Variants in XKR4 observed in about 807,000 individuals in gnomAD.
XKR4 encodes XK-related protein 4.
In XKR4, 12 loss-of-function variants were observed where a neutral mutation model predicts 53.9. The observed-to-expected ratio is 0.22, with a 90% confidence interval of 0.14 to 0.36. XKR4 has a LOEUF of 0.36. Ranked by LOEUF, XKR4 falls within the 10% of genes least tolerant of loss-of-function variation. XKR4 has a pLI of 1.00. For missense variants in XKR4, 799 were observed against 859.5 expected (o/e 0.93, Z 0.88); for synonymous variants, 354 against 362.4 (o/e 0.98, Z 0.26).
intron 1 of XKR4, among the ~76,000 whole-genome samples, chr8:55,206,743 G>A (rs917397537): frequency 6.6e-6 from 1 of 152,074 alleles, no homozygotes; most frequent in African/African-American, 2.4e-5. Context: ...ATTAATTTTT[G>A]GTTAAAAATA....
intron 2 of XKR4, among the ~76,000 whole-genome samples, chr8:55,461,839 G>C (rs1340036902): frequency 6.6e-6 from 1 of 152,350 alleles, no homozygotes; most frequent in East Asian, 1.9e-4. Context: ...ACAAGCCTCA[G>C]TAACTGATGC....
rs775279148 is a variant in XKR4, at chr8:55,538,412, G to C, written c.*14185G>C. On this transcript the variant is annotated 3_prime_UTR_variant, in exon 3 of 3. Transcript: ENST00000327381. ...GAGCTGTGTGCAGCACGGAGGAAGT[G>C]GAGTCTGAGGAATACAACAGCAACA... 1 of 152,170 alleles carries C rather than the reference G, an allele frequency of 6.6e-6. No homozygotes were observed. The highest frequency in any genetic ancestry group is 1.5e-5 in the Non-Finnish European group (1 of 68,058). 9.4% of individuals were successfully genotyped at this position (152,170 alleles called of 1,614,324 possible). A position where few individuals can be genotyped will look rare whatever the true frequency, so the allele number is the denominator to read the frequency against.
At chr8:55,172,098 T>C (rs115057122) in intron 1 of XKR4, among the ~76,000 whole-genome samples, 4,338 of 151,882 alleles carry the variant, frequency 0.029, 165 homozygotes, top group East Asian at 0.12. Flanking sequence ...CCTGTAATCC[T>C]AGCTACTCAC....
intron 1 of XKR4, among the ~76,000 whole-genome samples, chr8:55,148,425 T>C (rs1196650154): frequency 1.3e-5 from 2 of 151,906 alleles, no homozygotes; most frequent in African/African-American, 2.4e-5. Context: ...TATATATATA[T>C]ACCATAGCTT....
At chr8:55,379,103 A>AAGATATC (rs999298118) in intron 2 of XKR4, among the ~76,000 whole-genome samples, 22 of 152,132 alleles carry the variant, frequency 1.4e-4, no homozygotes, top group African/African-American at 5.3e-4. Flanking sequence ...TTTTAGAAGG[A>AAGATATC]AGATATCATT....
chr8:55,328,724 G>A (rs1803332516), intron 1 of XKR4, among the ~76,000 whole-genome samples: 1 of 152,130 alleles, frequency 6.6e-6, no homozygotes, highest in Admixed American at 6.6e-5. Context: ...CTTTGAATGT[G>A]CCTCACTCAA....
intron 2 of XKR4, among the ~76,000 whole-genome samples, chr8:55,432,961 C>G (rs1429805002): frequency 6.6e-6 from 1 of 152,170 alleles, no homozygotes; most frequent in South Asian, 2.1e-4. Flanking sequence ...GTCCTGCTCT[C>G]GTGATCATGG....
At chr8:55,473,628 G>A (rs1313788227) in intron 2 of XKR4, among the ~76,000 whole-genome samples, 1 of 152,044 alleles carries the variant, frequency 6.6e-6, no homozygotes. Context: ...TTTCTCAGAG[G>A]CACCAAAGTA....
At chr8:55,375,815 C>G (rs1804136906) in intron 2 of XKR4, among the ~76,000 whole-genome samples, 1 of 151,554 alleles carries the variant, frequency 6.6e-6, no homozygotes, top group Non-Finnish European at 1.5e-5. Context: ...GTTTGCTGCA[C>G]CTGTCAACCC....
intron 1 of XKR4, among the ~76,000 whole-genome samples, chr8:55,137,824 G>T (rs1816652416): frequency 6.6e-6 from 1 of 151,814 alleles, no homozygotes; most frequent in South Asian, 2.1e-4. Flanking sequence ...CTCCCACCTT[G>T]GCCTTCCAAA....
At chr8:55,408,706 A>G (rs546577434) in intron 2 of XKR4, among the ~76,000 whole-genome samples, 8 of 152,302 alleles carry the variant, frequency 5.3e-5, no homozygotes, top group Non-Finnish European at 1.0e-4. Context: ...GCAGGGCCCC[A>G]GGCTCAAAGA....
intron 1 of XKR4, among the ~76,000 whole-genome samples, chr8:55,345,946 A>G (rs1803630422): frequency 6.6e-6 from 1 of 152,082 alleles, no homozygotes; most frequent in Admixed American, 6.6e-5. Context: ...GCATCATTTC[A>G]CTTATATCCA....
intron 2 of XKR4, among the ~76,000 whole-genome samples, chr8:55,421,856 T>A (rs1388884147): frequency 6.6e-6 from 1 of 152,216 alleles, no homozygotes; most frequent in Non-Finnish European, 1.5e-5. Context: ...GGGAAGCAGC[T>A]GCAGGTGGCA....
At chr8:55,250,855 T>C (rs998254418) in intron 1 of XKR4, among the ~76,000 whole-genome samples, 4 of 152,252 alleles carry the variant, frequency 2.6e-5, no homozygotes, top group African/African-American at 9.6e-5. Flanking sequence ...ATTCTTTACC[T>C]TAAAACCATG....
At chr8:55,126,589 T>C (rs1049776712) in intron 1 of XKR4, among the ~76,000 whole-genome samples, 4 of 152,182 alleles carry the variant, frequency 2.6e-5, no homozygotes, top group Non-Finnish European at 2.9e-5. Context: ...TGGAATATGA[T>C]GGGGAGAACA....
intron 2 of XKR4, among the ~76,000 whole-genome samples, chr8:55,376,975 C>CAG (rs1195826378): frequency 0.01 from 1,542 of 151,388 alleles, 19 homozygotes; most frequent in African/African-American, 0.035. Context: ...CACACACACA[C>CAG]AGAGAGAGAG....
intron 1 of XKR4, among the ~76,000 whole-genome samples, chr8:55,114,950 C>T (rs1323467932): frequency 6.6e-6 from 1 of 152,200 alleles, no homozygotes; most frequent in East Asian, 1.9e-4. Flanking sequence ...ACTAGGAAAG[C>T]AGCCTAGTCA....
At position 55,105,580 on chromosome 8, in the gene XKR4, A is replaced by G. The variant is rs189061499; in HGVS notation, c.806+2286A>G. On this transcript the variant is annotated intron_variant, in intron 1 of 2. Coordinates refer to ENST00000327381, the MANE Select transcript of XKR4 (RefSeq NM_052898.2). ...ATATTGTAGTTGGAAATATTATCAGATATAATATTCTGGAAATATTTGTCA... is the reference window on the plus strand; with the variant it reads ...ATATTGTAGTTGGAAATATTATCAGGTATAATATTCTGGAAATATTTGTCA... Among the ~76,000 whole-genome samples the G allele has an allele frequency of 1.4e-3, 206 of 152,310 alleles. 1 individual carries two copies. The highest frequency in any genetic ancestry group is 3.9e-3 in the South Asian group (19 of 4,820).
At chr8:55,320,451 C>T in intron 1 of XKR4, among the ~76,000 whole-genome samples, 1 of 152,148 alleles carries the variant, frequency 6.6e-6, no homozygotes, top group East Asian at 1.9e-4. Flanking sequence ...GCTGAACCAA[C>T]CAAGCTCTGA....
Sources: gnomAD v4.1 joint callset for allele counts (sites outside exome capture counted in the v4.1 genomes callset) on GRCh38, gnomAD v4.1.1 for gene constraint, MANE v1.5 for transcripts, NCBI Gene and HGNC (gene_info 2026-07-23, HGNC 2026-07-21) for gene names.